Variants in MYO1H observed in about 807,000 individuals in gnomAD.
MYO1H encodes the protein unconventional myosin-Ih.
Under a neutral mutation model 149.3 loss-of-function variants are expected in MYO1H, and 118 were observed. That is an observed-to-expected ratio of 0.79 (90% confidence interval 0.68 to 0.92). The LOEUF (loss-of-function observed/expected upper bound fraction) is 0.92, where lower values mean the gene tolerates loss of function less well. Ranked by LOEUF, MYO1H falls within the 40% of genes least tolerant of loss-of-function variation. MYO1H has a pLI of 0.00. For missense variants in MYO1H, 1,212 were observed against 1,280.7 expected (o/e 0.95, Z 0.82); for synonymous variants, 447 against 465.2 (o/e 0.96, Z 0.50).
intron 5 of MYO1H, among the ~76,000 whole-genome samples, chr12:109,400,087 C>T (rs565613520): frequency 3.9e-5 from 6 of 152,336 alleles, no homozygotes; most frequent in Admixed American, 2.0e-4. Flanking sequence ...TTTCAATCAA[C>T]GTATCTGTCA....
intron 1 of MYO1H, among the ~76,000 whole-genome samples, chr12:109,364,214 T>C (rs1868818254): frequency 6.8e-6 from 1 of 147,106 alleles, no homozygotes. Context: ...GGGAACAGCA[T>C]GGGCAATCCA....
At chr12:109,338,551 T>G in the MYO1H span, among the ~76,000 whole-genome samples, 1 of 152,098 alleles carries the variant, frequency 6.6e-6, no homozygotes, top group African/African-American at 2.4e-5. Context: ...GCAGATCACT[T>G]GAGGTCAGGA....
intron 19 of MYO1H, among the ~76,000 whole-genome samples, chr12:109,429,138 C>T (rs1301263486): frequency 1.3e-5 from 2 of 152,168 alleles, no homozygotes; most frequent in African/African-American, 4.8e-5. Context: ...ACCCGGGAGG[C>T]AGAGGTTGCA....
chr12:109,355,275 T>A (rs1868563431), intron 1 of MYO1H, among the ~76,000 whole-genome samples: 1 of 152,168 alleles, frequency 6.6e-6, no homozygotes, highest in African/African-American at 2.4e-5. Flanking sequence ...TCTCCTTACG[T>A]GCAATCTTCC....
chr12:109,400,857 T>C (rs1174159895), intron 5 of MYO1H, among the ~76,000 whole-genome samples: 1 of 152,196 alleles, frequency 6.6e-6, no homozygotes, highest in African/African-American at 2.4e-5. Context: ...TAAACAATCA[T>C]GCTTCTAGAA....
At chr12:109,408,250 C>G (rs1870487676) in intron 10 of MYO1H, among the ~76,000 whole-genome samples, 1 of 152,088 alleles carries the variant, frequency 6.6e-6, no homozygotes, top group African/African-American at 2.4e-5. Flanking sequence ...TCATAACTTG[C>G]AACTTCCAGC....
chr12:109,397,765 AACTC>A lies in MYO1H; in HGVS notation c.524_527del (p.Asn175ThrfsTer19). 6.2e-7 allele frequency: 1 copy of A among 1,612,610 alleles called. No homozygotes were observed. Among genetic ancestry groups the A allele is most frequent in the Non-Finnish European group, 8.5e-7 (1 of 1,179,236 alleles). ...AAATGCCAGAACGCTCCGGAATGAC[AACTC>A]CAGCAGATTTGGGAAATACATGGAT... On this transcript the variant is annotated frameshift_variant, in exon 5 of 32. Transcript: ENST00000310903. LOFTEE classifies it high-confidence loss of function.
chr12:109,366,646 A>C (rs1458399793), intron 1 of MYO1H, among the ~76,000 whole-genome samples: 3 of 152,186 alleles, frequency 2.0e-5, no homozygotes, highest in Non-Finnish European at 4.4e-5. Flanking sequence ...ATGCAGAAAA[A>C]CTTAATTATA....
At chr12:109,401,215 G>A (rs375931301) in exon 6 of MYO1H, 1 of 1,613,776 alleles carries the variant, frequency 6.2e-7, no homozygotes, top group African/African-American at 1.3e-5. Flanking sequence ...GCGAAGAGGA[G>A]CGCCTGTCTT....
At chr12:109,314,926 C>T in the MYO1H span, among the ~76,000 whole-genome samples, 2 of 151,980 alleles carry the variant, frequency 1.3e-5, no homozygotes, top group South Asian at 4.2e-4. Context: ...ATGGTAAAAC[C>T]CCATCTCTAC....
chr12:109,401,226 A>G, exon 6 of MYO1H: 1 of 1,613,642 alleles, frequency 6.2e-7, no homozygotes, highest in Non-Finnish European at 8.5e-7. Flanking sequence ...CGCCTGTCTT[A>G]CCTGGGACTC....
At chr12:109,324,616 T>C in the MYO1H span, among the ~76,000 whole-genome samples, 1 of 152,226 alleles carries the variant, frequency 6.6e-6, no homozygotes, top group African/African-American at 2.4e-5. Flanking sequence ...AGAGTGAAGA[T>C]AATGGGTGAA....
In MYO1H at chr12:109,380,730, C is replaced by G. The variant is rs761166428; in HGVS notation, c.13-7953C>G. Among the ~76,000 whole-genome samples, 58 of 152,084 alleles carry G rather than the reference C, an allele frequency of 3.8e-4. 1 individual carries two copies. The highest frequency in any genetic ancestry group is 2.1e-4 in the Non-Finnish European group (14 of 68,000). On this transcript the variant is annotated intron_variant, in intron 1 of 31. Transcript: ENST00000310903. ...GAAGGCCAAGGTGGGCAGATCACTT[C>G]AGGTCAGGAGTTCGAGACCAGCCTG... is the stretch of plus-strand genomic sequence containing the variant.
Position 109,444,536 on chromosome 12 carries a change from G to A in MYO1H, c.2993+7G>A. 1 of 1,607,766 alleles carries A rather than the reference G, an allele frequency of 6.2e-7. No individual in the cohort carries two copies. The highest frequency in any genetic ancestry group is 1.3e-5 in the African/African-American group (1 of 74,892). On this transcript the variant is annotated splice_region_variant and intron_variant, in intron 30 of 31. Transcript: ENST00000310903. ...TCAATGTTGTTCAAGGAAGGTAGGT[G>A]GCTTCATCTTCAGCTCAGGAAGTAA...
At chr12:109,407,985 G>A in intron 10 of MYO1H, 72 bp downstream of exon 10, 1 of 1,600,192 alleles carries the variant, frequency 6.2e-7, no homozygotes, top group African/African-American at 1.3e-5. Context: ...TTTCTTTAAA[G>A]AATTTGGGAG....
the MYO1H span, among the ~76,000 whole-genome samples, chr12:109,333,559 T>G: frequency 6.6e-6 from 1 of 152,128 alleles, no homozygotes; most frequent in South Asian, 2.1e-4. Flanking sequence ...GAACTGAGAC[T>G]GCAACCAGAA....
chr12:109,316,586 TAAA>T, the MYO1H span, among the ~76,000 whole-genome samples: 5 of 152,254 alleles, frequency 3.3e-5, no homozygotes, highest in African/African-American at 4.8e-5. Context: ...AAATTATACT[TAAA>T]AATCATTTAG....
exon 20 of MYO1H, chr12:109,432,928 C>T (rs1187612945): frequency 6.2e-7 from 1 of 1,613,988 alleles, no homozygotes; most frequent in South Asian, 1.1e-5. Context: ...CACCTGGCCG[C>T]ACTGGCACGG....
chr12:109,327,122 C>CTTT, the MYO1H span, among the ~76,000 whole-genome samples: 554 of 111,178 alleles, frequency 5.0e-3, 76 homozygotes, highest in African/African-American at 0.017. Flanking sequence ...TTTTCTTTTT[C>CTTT]TTTTTCTTTT....
Sources: gnomAD v4.1 joint callset for allele counts (sites outside exome capture counted in the v4.1 genomes callset) on GRCh38, gnomAD v4.1.1 for gene constraint, MANE v1.5 for transcripts, NCBI Gene and HGNC (gene_info 2026-07-23, HGNC 2026-07-21) for gene names.